NLGN1: variants seen among roughly 807,000 people sequenced by gnomAD.
The protein encoded by NLGN1 is neuroligin 1.
Under a neutral mutation model 65.5 loss-of-function variants are expected in NLGN1, and 12 were observed. The observed-to-expected ratio is 0.18, with a 90% CI of 0.12 to 0.30. The LOEUF (loss-of-function observed/expected upper bound fraction) is 0.30. NLGN1 is among the 10% of genes least tolerant of loss of function. The pLI, the probability that NLGN1 is intolerant of heterozygous loss-of-function variation, is 1.00. For synonymous variants in NLGN1, 350 were observed against 359.5 expected (o/e 0.97, Z 0.30); for missense variants, 750 against 1,007.1 (o/e 0.74, Z 3.46).
intron 3 of NLGN1, among the ~76,000 whole-genome samples, chr3:173,617,937 GT>G (rs1206388169): frequency 6.0e-5 from 9 of 151,024 alleles, no homozygotes; most frequent in African/African-American, 2.2e-4. Flanking sequence ...TTTTTTCCTT[GT>G]TTTACCATCT....
chr3:174,131,383 A>T (rs1720151494), intron 4 of NLGN1, among the ~76,000 whole-genome samples: 1 of 152,162 alleles, frequency 6.6e-6, no homozygotes, highest in South Asian at 2.1e-4. Flanking sequence ...TCTATTAGCC[A>T]TAAGAAAGCT....
chr3:173,621,460 C>A (rs1361973103), intron 3 of NLGN1, among the ~76,000 whole-genome samples: 1 of 151,956 alleles, frequency 6.6e-6, no homozygotes, highest in Non-Finnish European at 1.5e-5. Flanking sequence ...AATATCAGAA[C>A]CCTGGAGGGT....
chr3:173,552,862 T>A (rs745574880), intron 2 of NLGN1, among the ~76,000 whole-genome samples: 33 of 152,214 alleles, frequency 2.2e-4, no homozygotes, highest in Non-Finnish European at 4.6e-4. Flanking sequence ...TAACACACAG[T>A]AGTGTGGAAA....
chr3:173,958,275 C>T (rs569392715), intron 4 of NLGN1, among the ~76,000 whole-genome samples: 3 of 152,286 alleles, frequency 2.0e-5, no homozygotes, highest in South Asian at 2.1e-4. Context: ...CCCGGAAAAA[C>T]GAAGTACATG....
intron 4 of NLGN1, among the ~76,000 whole-genome samples, chr3:174,114,239 T>C (rs1428113631): frequency 1.1e-4 from 16 of 151,598 alleles, no homozygotes; most frequent in Admixed American, 9.8e-4. Context: ...TTCACCCACA[T>C]GGCTTTAATG....
At chr3:173,695,658 A>G in intron 3 of NLGN1, 1 of 197,918 alleles carries the variant, frequency 5.1e-6, no homozygotes, top group Non-Finnish European at 1.1e-5. Flanking sequence ...CTGTGGACTT[A>G]TAAAAGTCCA....
intron 2 of NLGN1, among the ~76,000 whole-genome samples, chr3:173,539,705 T>TATACC (rs377641227): frequency 9.8e-4 from 45 of 46,124 alleles, no homozygotes; most frequent in Admixed American, 4.5e-3. Flanking sequence ...TATGCACATA[T>TATACC]ATACATATAT....
chr3:173,463,247 A>G (rs530548344), intron 2 of NLGN1, among the ~76,000 whole-genome samples: 22 of 152,342 alleles, frequency 1.4e-4, no homozygotes, highest in African/African-American at 5.3e-4. Context: ...TTCCCTTAAA[A>G]GGATTATATT....
chr3:173,749,312 A>T (rs1251890724), intron 3 of NLGN1, among the ~76,000 whole-genome samples: 4 of 152,026 alleles, frequency 2.6e-5, no homozygotes, highest in African/African-American at 9.7e-5. Flanking sequence ...CAGTCAAAGG[A>T]CTGAACAGGT....
At chr3:174,272,971 A>G (rs1028634600) in intron 4 of NLGN1, among the ~76,000 whole-genome samples, 5 of 151,468 alleles carry the variant, frequency 3.3e-5, no homozygotes, top group African/African-American at 1.2e-4. Context: ...TTTAGACTGT[A>G]TATAAAGTAG....
intron 4 of NLGN1, among the ~76,000 whole-genome samples, chr3:174,266,047 T>TA (rs1553984755): frequency 0.033 from 2,062 of 63,414 alleles, 35 homozygotes; most frequent in Middle Eastern, 0.078. Flanking sequence ...TATATATATA[T>TA]TTTTTTTTTC....
chr3:173,990,530 T>C (rs551710737), intron 4 of NLGN1, among the ~76,000 whole-genome samples: 5 of 152,318 alleles, frequency 3.3e-5, no homozygotes, highest in Non-Finnish European at 7.3e-5. Flanking sequence ...CAATCATCTA[T>C]CTTTTTAAAG....
chr3:173,657,916 A>G (rs1760314812), intron 3 of NLGN1, among the ~76,000 whole-genome samples: 1 of 151,916 alleles, frequency 6.6e-6, no homozygotes, highest in African/African-American at 2.4e-5. Context: ...GAATGTGACA[A>G]GTTTATGCCT....
chr3:174,108,597 A>G (rs1714506864), intron 4 of NLGN1, among the ~76,000 whole-genome samples: 1 of 152,090 alleles, frequency 6.6e-6, no homozygotes, highest in Admixed American at 6.6e-5. Context: ...ATTCTGGATA[A>G]AGCATTGACA....
downstream of NLGN1, among the ~76,000 whole-genome samples, chr3:174,288,598 C>T (rs943993326): frequency 1.6e-4 from 24 of 151,128 alleles, no homozygotes; most frequent in African/African-American, 5.1e-4. Context: ...CTCCTGAAAG[C>T]AAAAAATCCC....
chr3:173,916,982 A>T (rs773004988), intron 4 of NLGN1, among the ~76,000 whole-genome samples: 1 of 152,230 alleles, frequency 6.6e-6, no homozygotes, highest in South Asian at 2.1e-4. Flanking sequence ...CCAACTTCAG[A>T]CTACAATTGC....
intron 1 of NLGN1, among the ~76,000 whole-genome samples, chr3:173,407,906 G>T (rs998541064): frequency 6.6e-6 from 1 of 151,988 alleles, no homozygotes; most frequent in East Asian, 1.9e-4. Flanking sequence ...AGAAAAATTG[G>T]TTCATATTAC....
At chr3:174,134,116 C>G in intron 4 of NLGN1, among the ~76,000 whole-genome samples, 1 of 152,032 alleles carries the variant, frequency 6.6e-6, no homozygotes, top group Middle Eastern at 3.2e-3. Flanking sequence ...TTATTGTACC[C>G]ACAAAACGAA....
intron 4 of NLGN1, among the ~76,000 whole-genome samples, chr3:173,885,683 A>G (rs935587371): frequency 6.6e-5 from 10 of 152,172 alleles, no homozygotes; most frequent in African/African-American, 2.2e-4. Context: ...AATTCACTAA[A>G]TAGTTAAACA....
Sources: allele counts gnomAD v4.1 joint callset (sites outside exome capture counted in the v4.1 genomes callset), GRCh38; gene constraint gnomAD v4.1.1; transcripts MANE v1.5; gene names NCBI Gene and HGNC (gene_info 2026-07-23, HGNC 2026-07-21).